The following KNL1 variants were observed in gnomAD, a reference collection of about 807,000 sequenced individuals.
The protein encoded by KNL1 is outer kinetochore KNL1 complex subunit KNL1.
A neutral mutation model predicts 201.3 loss-of-function variants in KNL1; 66 were observed. That is an observed-to-expected ratio of 0.33 (90% CI 0.27 to 0.40). The LOEUF is 0.40. Ranked by LOEUF, KNL1 falls within the 10% of genes least tolerant of loss-of-function variation. The pLI is 1.00. For synonymous variants in KNL1, 895 were observed against 899.2 expected (o/e 1.00, Z 0.08); for missense variants, 2,815 against 2,690.5 (o/e 1.05, Z -1.02).
intron 17 of KNL1, among the ~76,000 whole-genome samples, chr15:40,649,323 T>C (rs1893486351): frequency 6.6e-6 from 1 of 151,994 alleles, no homozygotes; most frequent in Admixed American, 6.6e-5. Flanking sequence ...TGAGACAGAA[T>C]CTCTCTCTGT....
intron 1 of KNL1, among the ~76,000 whole-genome samples, chr15:40,599,981 AT>A (rs1566997432): frequency 6.8e-6 from 1 of 147,960 alleles, no homozygotes; most frequent in Admixed American, 6.7e-5. Context: ...TGCCCACCCA[AT>A]TTTGCATTTC....
chr15:40,610,362 C>G, intron 6 of KNL1, 65 bp downstream of exon 6: 1 of 807,226 alleles, frequency 1.2e-6, no homozygotes, highest in Non-Finnish European at 2.2e-6. Context: ...AGCTATCTAA[C>G]CAGACAACTA....
At position 40,622,881 on chromosome 15, in the gene KNL1, G is replaced by T; in HGVS notation, c.2617G>T (p.Asp873Tyr). The T allele has an allele frequency of 3.1e-6, 5 of 1,611,744 alleles. No individual in the cohort carries two copies. Among genetic ancestry groups the T allele is most frequent in the Non-Finnish European group, 4.2e-6 (5 of 1,178,086 alleles). Residue 873 changes from aspartate (D) to tyrosine (Y), a missense_variant, in exon 10 of 26, where the codon GAT becomes TAT. This residue lies in a region of KNL1 where 2,464 missense variants were observed against 2,291.7 expected (regional missense o/e 1.08). Coordinates refer to ENST00000399668, the MANE Select transcript of KNL1 (RefSeq NM_144508.5). The stretch of plus-strand genomic sequence containing the variant: ...TTCAGAAGACGATAAGAATGATATG[G>T]ATATCACTAAGAGTTATACAATAGA... ...VFSEDDKNDM[D>Y]ITKSYTIEIN...
chr15:40,602,263 GA>G (rs1352226476), intron 1 of KNL1, among the ~76,000 whole-genome samples: 1 of 147,290 alleles, frequency 6.8e-6, no homozygotes, highest in Non-Finnish European at 1.5e-5. Flanking sequence ...TCGATCTCCT[GA>G]CCCCGTGATC....
intron 16 of KNL1, 34 bp downstream of exon 16, chr15:40,645,806 G>A (rs542976414): frequency 6.4e-5 from 71 of 1,113,364 alleles, no homozygotes; most frequent in Non-Finnish European, 8.8e-5. Context: ...TAGAAAGAGA[G>A]AGATATTAAA....
rs1893983751 is a variant in KNL1 at position 40,663,945 on chromosome 15, C to G, written c.*1757C>G. The G allele has an allele frequency of 5.3e-6, 1 of 189,440 alleles. No individual in the cohort carries two copies. The highest frequency in any genetic ancestry group is 2.3e-5 in the African/African-American group (1 of 42,908). 11.7% of individuals were successfully genotyped at this position (189,440 alleles called of 1,614,324 possible). A position where few individuals can be genotyped will look rare whatever the true frequency, so the allele number is the denominator to read the frequency against. On this transcript the variant is annotated 3_prime_UTR_variant, in exon 26 of 26. Coordinates refer to ENST00000399668, the MANE Select transcript of KNL1 (RefSeq NM_144508.5). ...CAAAAGACACATAAGCTTCAAAAGT[C>G]AAGACAAACCTCATTTGCCATAAAA...
In KNL1 at chr15:40,620,870, C is replaced by T. The variant is rs776234628; in HGVS notation, c.606C>T (p.Ser202=). ...DSRMKKEVNF[S]VDQNTSSENK... is the part of the protein sequence containing the mutation. ...GAATGAAAAAAGAAGTAAATTTTTCCGTGGATCAAAACACTTCTTCAGAAA... is the reference window on the plus strand; with the variant it reads ...GAATGAAAAAAGAAGTAAATTTTTCTGTGGATCAAAACACTTCTTCAGAAA... Residue 202 remains serine, a synonymous_variant, in exon 10 of 26, where the codon TCC becomes TCT. Transcript: ENST00000399668. 1.0e-4 allele frequency: 164 copies of T among 1,593,314 alleles called. No individual in the cohort carries two copies. The highest frequency in any genetic ancestry group is 1.1e-4 in the Non-Finnish European group (124 of 1,173,432).
Position 40,625,095 on chromosome 15 carries a change from A to T in KNL1, c.4831A>T (p.Ile1611Phe). Reference sequence around the variant, plus strand: ...TACAGAAATACATAATATTAACATAATCTCCAGCAATGCTAAAGATAGTAG... The same window carrying T: ...TACAGAAATACATAATATTAACATATTCTCCAGCAATGCTAAAGATAGTAG... The part of the protein sequence containing the change: ...QATEIHNINI[I>F]SSNAKDSRDE... Residue 1611 changes from isoleucine (I) to phenylalanine (F), a missense_variant, in exon 10 of 26, where the codon ATC (isoleucine) becomes TTC (phenylalanine). Physicochemically the swap from Ile to Phe is conservative, Grantham distance 21. Coordinates refer to ENST00000399668, the MANE Select transcript of KNL1 (RefSeq NM_144508.5). The T allele has an allele frequency of 1.2e-6, 2 of 1,613,890 alleles. No individual in the cohort carries two copies. The highest frequency in any genetic ancestry group is 8.5e-7 in the Non-Finnish European group (1 of 1,179,908).
intron 14 of KNL1, chr15:40,642,873 C>T (rs1016740473): frequency 2.0e-5 from 3 of 152,276 alleles, no homozygotes; most frequent in East Asian, 1.9e-4. Context: ...AGTGATCTAC[C>T]CACCTCGGCC....
At chr15:40,602,480 C>CTTTTT (rs34192317) in intron 1 of KNL1, among the ~76,000 whole-genome samples, 12 of 79,126 alleles carry the variant, frequency 1.5e-4, no homozygotes, top group African/African-American at 2.5e-4. Context: ...TTTTTCCTTC[C>CTTTTT]TTTTTTTTTT....
rs570970571 is a variant in KNL1, at chr15:40,638,490, C to A, written c.5683-2422C>A. Among the ~76,000 whole-genome samples the A allele has an allele frequency of 5.3e-5, 8 of 151,588 alleles. No homozygotes were observed. The East Asian group carries it at 1.6e-3, about 30-fold the overall frequency. ...GTGCCCAGGTCTGCCATTTCTTTTT[C>A]TTTTCTTTCTTTTTTTTTTGAGATG... On this transcript the variant is annotated intron_variant, in intron 13 of 25. Transcript: ENST00000399668.
chr15:40,603,440 A>G (rs931463702), intron 2 of KNL1, among the ~76,000 whole-genome samples: 2 of 152,210 alleles, frequency 1.3e-5, no homozygotes, highest in African/African-American at 4.8e-5. Context: ...AGTAGATGTT[A>G]CAGACTCATA....
chr15:40,610,667 G>A (rs1892124637), intron 6 of KNL1: 1 of 439,414 alleles, frequency 2.3e-6, no homozygotes, highest in African/African-American at 2.0e-5. Context: ...TCCAGCCTGG[G>A]CAACAGAGCA....
intron 7 of KNL1, 122 bp from the exon 8 acceptor site, chr15:40,615,217 CTT>C (rs1175951305): frequency 2.8e-6 from 1 of 359,460 alleles, no homozygotes; most frequent in Non-Finnish European, 5.2e-6. Context: ...AAAAAGATGT[CTT>C]TATAATTTTC....
chr15:40,620,888 T>C lies in KNL1; in HGVS notation c.624T>C (p.Ser208=). 1 of 1,598,488 alleles carries C rather than the reference T, an allele frequency of 6.3e-7. No homozygotes were observed. The highest frequency in any genetic ancestry group is 1.1e-5 in the South Asian group (1 of 88,782). ...ATTTTTCCGTGGATCAAAACACTTC[T>C]TCAGAAAATAAAATAGATTTCAATG... is the stretch of plus-strand genomic sequence containing the variant. ...EVNFSVDQNT[S]SENKIDFNDF... The change falls in exon 10 of 26, where the codon TCT becomes TCC. Residue 208 remains serine (S), a synonymous_variant. Coordinates refer to ENST00000399668, the MANE Select transcript of KNL1 (RefSeq NM_144508.5).
In KNL1 at chr15:40,623,898, G is replaced by T. The variant is rs533933463; in HGVS notation, c.3634G>T (p.Ala1212Ser). 1 of 1,613,256 alleles carries T rather than the reference G, an allele frequency of 6.2e-7. No individual in the cohort carries two copies. Among genetic ancestry groups the T allele is most frequent in the South Asian group, 1.1e-5 (1 of 91,052 alleles). Reference sequence around the variant, plus strand: ...GGATAATAGCTGTGTTCAAGAAATCGCTGAAAAACAAGCACTGGCTGTAGG... The same window carrying T: ...GGATAATAGCTGTGTTCAAGAAATCTCTGAAAAACAAGCACTGGCTGTAGG... ...PKDNSCVQEIAEKQALAVGNK... is the reference protein window; with the variant it reads ...PKDNSCVQEISEKQALAVGNK... The change falls in exon 10 of 26, where the codon GCT becomes TCT. Residue 1212 changes from alanine to serine, a missense_variant. Coordinates refer to ENST00000399668, the MANE Select transcript of KNL1 (RefSeq NM_144508.5).
rs192178502 is a variant in KNL1 at position 40,644,887 on chromosome 15, A to T, written c.5799-110A>T. ...TCAGCAAAACAGTTGTTCAAAGTAC[A>T]GGTCTTTTTCCAAATGGAGTCTCTT... On this transcript the variant is annotated intron_variant, in intron 14 of 25. Coordinates refer to ENST00000399668, the MANE Select transcript of KNL1 (RefSeq NM_144508.5). The T allele has an allele frequency of 1.5e-4, 90 of 617,836 alleles. No individual in the cohort carries two copies. In the African/African-American group the frequency reaches 1.5e-3, roughly 10 times the overall value. The allele number at this position is 617,836 out of a possible 1,614,324, so 38.3% of individuals were successfully genotyped here. A position where few individuals can be genotyped will look rare whatever the true frequency, so the allele number is the denominator to read the frequency against.
intron 24 of KNL1, among the ~76,000 whole-genome samples, chr15:40,658,561 C>CAAAAAAAAAAAA (rs35180053): frequency 5.4e-5 from 4 of 74,122 alleles, no homozygotes; most frequent in Non-Finnish European, 9.7e-5. Flanking sequence ...GAATCTGTCT[C>CAAAAAAAAAAAA]AAAAAAAAAA....
intron 2 of KNL1, among the ~76,000 whole-genome samples, chr15:40,604,827 C>A (rs1891923093): frequency 6.6e-6 from 1 of 152,218 alleles, no homozygotes. Context: ...AAGCTAGCGT[C>A]TCTTGACTTA....
Sources: allele counts gnomAD v4.1 joint callset (sites outside exome capture counted in the v4.1 genomes callset), GRCh38; gene constraint gnomAD v4.1.1; regional missense constraint gnomAD v4.1.1; transcripts MANE v1.5; gene names NCBI Gene and HGNC (gene_info 2026-07-23, HGNC 2026-07-21).